Variants in ROCK2 observed in about 807,000 individuals in gnomAD.
ROCK2 encodes rho-associated protein kinase 2.
A neutral mutation model predicts 195.1 loss-of-function variants in ROCK2; 61 were observed. That is an observed-to-expected ratio of 0.31 (90% CI 0.25 to 0.39). ROCK2 has a LOEUF of 0.39. Among genes scored for constraint, ROCK2 ranks in the 10% least tolerant of loss-of-function variants. The probability of loss-of-function intolerance (pLI) is 1.00; values close to 1 mark genes in which losing one functional copy is unlikely to be tolerated. For synonymous variants in ROCK2, 504 were observed against 545.5 expected (o/e 0.92, Z 1.06); for missense variants, 1,109 against 1,637.4 (o/e 0.68, Z 5.57).
chr2:11,326,259 T>C (rs1029533497), intron 1 of ROCK2, among the ~76,000 whole-genome samples: 1 of 151,530 alleles, frequency 6.6e-6, no homozygotes, highest in Non-Finnish European at 1.5e-5. Flanking sequence ...ACATTTCCAT[T>C]TGGCAGAAGA....
In ROCK2 at chr2:11,201,352, C is replaced by G. The variant is rs1030991062; in HGVS notation, c.2681G>C (p.Gly894Ala). ...KEECEEKTKLGKELQQKKQEL... is the reference protein window; with the variant it reads ...KEECEEKTKLAKELQQKKQEL... ...CTGTTTCTTCTGCTGCAATTCTTTA[C>G]CAAGTTTGGTCTTTTCTTCACATTC... is the stretch of plus-strand genomic sequence containing the variant. The change falls in exon 22 of 33, where the codon GGT becomes GCT. Residue 894 changes from glycine (G) to alanine (A), a missense_variant. This residue lies in a region of ROCK2 where 542 missense variants were observed against 672.0 expected (regional missense o/e 0.81). Transcript: ENST00000315872. This position sits in a 1 kb window ranked among gnomAD's most constrained non-coding sequence, Gnocchi z 4.6. The G allele has an allele frequency of 2.5e-6, 4 of 1,613,300 alleles. No individual in the cohort carries two copies. The highest frequency in any genetic ancestry group is 2.5e-6 in the Non-Finnish European group (3 of 1,179,528).
At chr2:11,198,883 CTTTTT>C in intron 23 of ROCK2, 109 bp from the exon 24 acceptor site, 11 of 483,230 alleles carry the variant, frequency 2.3e-5, no homozygotes, top group African/African-American at 4.4e-5. Flanking sequence ...TCTTATTTTT[CTTTTT>C]TTTTTTTTTT....
intron 32 of ROCK2, among the ~76,000 whole-genome samples, chr2:11,189,713 G>A (rs1396889038): frequency 6.6e-6 from 1 of 152,118 alleles, no homozygotes; most frequent in African/African-American, 2.4e-5. Flanking sequence ...CAGGCGTGGT[G>A]GCTCATGCCT....
chr2:11,200,339 C>G (rs1002472372), intron 23 of ROCK2, among the ~76,000 whole-genome samples: 2 of 152,098 alleles, frequency 1.3e-5, no homozygotes, highest in Non-Finnish European at 2.9e-5. Context: ...CTAGAATTTA[C>G]TTTTGTGTGT....
chr2:11,246,612 A>G (rs983128625), intron 4 of ROCK2, among the ~76,000 whole-genome samples: 4 of 152,164 alleles, frequency 2.6e-5, no homozygotes, highest in African/African-American at 9.7e-5. Flanking sequence ...TTCAGAAATC[A>G]CCCTAATAAT....
At chr2:11,244,585 G>A (rs1269339764) in intron 4 of ROCK2, among the ~76,000 whole-genome samples, 1 of 151,996 alleles carries the variant, frequency 6.6e-6, no homozygotes, top group Non-Finnish European at 1.5e-5. Flanking sequence ...GGGCAACATA[G>A]TGAGACCCCA....
At chr2:11,203,289 T>C (rs1215973358) in intron 20 of ROCK2, among the ~76,000 whole-genome samples, 1 of 152,170 alleles carries the variant, frequency 6.6e-6, no homozygotes, top group East Asian at 1.9e-4. Flanking sequence ...ATTTGTATGA[T>C]ATAATTTAAA....
intron 4 of ROCK2, among the ~76,000 whole-genome samples, chr2:11,237,187 C>A (rs1169603417): frequency 2.6e-5 from 4 of 151,952 alleles, no homozygotes; most frequent in Non-Finnish European, 5.9e-5. Flanking sequence ...AAATCGATAC[C>A]CTCAAAAGGG....
rs1008636707 is a variant in ROCK2 at position 11,192,030 on chromosome 2, T to C, written c.4163+118A>G. ...GACAGTTCCAACATTTGGTATTCCATAGTTAACTAAAATACAAAGCAAAGG... is the reference window on the plus strand; with the variant it reads ...GACAGTTCCAACATTTGGTATTCCACAGTTAACTAAAATACAAAGCAAAGG... On this transcript the variant is annotated intron_variant, in intron 32 of 32. Coordinates refer to ENST00000315872, the MANE Select transcript of ROCK2 (RefSeq NM_004850.5). The surrounding 1 kb of genome is among the most constrained non-coding windows in gnomAD (Gnocchi z 5.0). 4.2e-5 allele frequency: 29 copies of C among 685,230 alleles called. 1 individual carries two copies. Among genetic ancestry groups the C allele is most frequent in the South Asian group, 2.4e-4 (12 of 50,428 alleles). The allele number at this position is 685,230 out of a possible 1,614,324, so 42.4% of individuals were successfully genotyped here.
intron 1 of ROCK2, chr2:11,308,901 C>T (rs950181371): frequency 3.7e-5 from 59 of 1,611,784 alleles, no homozygotes; most frequent in Non-Finnish European, 4.8e-5. Flanking sequence ...ACCAAGAAAC[C>T]ACTTTATCTT....
chr2:11,214,540 G>A, intron 16 of ROCK2, 77 bp from the exon 17 acceptor site: 1 of 843,588 alleles, frequency 1.2e-6, no homozygotes, highest in South Asian at 1.6e-5. Context: ...AAGTTTGCAA[G>A]CCACCTTCTA....
rs1358479370 is a variant in ROCK2 at position 11,344,608 on chromosome 2, C to A, written c.-472G>T. ...TTGCAGTCCCTCAGCCAGCTCCCGG[C>A]GCACACACTCCCGCGCGGCCGCCCG... On this transcript the variant is annotated 5_prime_UTR_variant, in exon 1 of 33. Coordinates refer to ENST00000315872, the MANE Select transcript of ROCK2 (RefSeq NM_004850.5). The surrounding 1 kb of genome is among the most constrained non-coding windows in gnomAD (Gnocchi z 5.4). 25 of 369,362 alleles carry A rather than the reference C, an allele frequency of 6.8e-5. No individual in the cohort carries two copies. The highest frequency in any genetic ancestry group is 5.3e-4 in the African/African-American group (24 of 45,082). 22.9% of individuals were successfully genotyped at this position (369,362 alleles called of 1,614,324 possible).
rs35159426 is a variant in ROCK2 at position 11,219,336 on chromosome 2, CAAAAAAAAA to C, written c.1260-319_1260-311del. ...TCAACATGGTGAAACCTTATCTCTACAAAAAAAAAAAAAAAAAAAAAAAAATTAGCCGGG... is the reference window on the plus strand; with the variant it reads ...TCAACATGGTGAAACCTTATCTCTACAAAAAAAAAAAAAAAATTAGCCGGG... On this transcript the variant is annotated intron_variant, in intron 9 of 32. Coordinates refer to ENST00000315872, the MANE Select transcript of ROCK2 (RefSeq NM_004850.5). Among the ~76,000 whole-genome samples, 10 of 67,378 alleles carry C rather than the reference CAAAAAAAAA, an allele frequency of 1.5e-4. No individual in the cohort carries two copies. The East Asian group carries it at 2.2e-3, about 15-fold the overall frequency. The allele number at this position is 67,378 out of a possible 152,430, so 44.2% of individuals were successfully genotyped here.
At chr2:11,204,623 T>C (rs1558288483) in intron 20 of ROCK2, among the ~76,000 whole-genome samples, 1 of 152,190 alleles carries the variant, frequency 6.6e-6, no homozygotes, top group African/African-American at 2.4e-5. Flanking sequence ...TTCCATGACA[T>C]TTCTTCTTTT....
chr2:11,331,053 G>GGAGGAGGAGC (rs1668751140), intron 1 of ROCK2, among the ~76,000 whole-genome samples: 1 of 148,904 alleles, frequency 6.7e-6, no homozygotes, highest in Non-Finnish European at 1.5e-5. Context: ...GGAGGAGGAG[G>GGAGGAGGAGC]AGGAGAAGAA....
At chr2:11,328,508 A>G (rs1203630266) in intron 1 of ROCK2, among the ~76,000 whole-genome samples, 2 of 152,174 alleles carry the variant, frequency 1.3e-5, no homozygotes, top group African/African-American at 4.8e-5. Context: ...TAGTCCTATA[A>G]ATTACTCACA....
At chr2:11,315,516 T>C (rs1668164712) in intron 1 of ROCK2, among the ~76,000 whole-genome samples, 1 of 152,110 alleles carries the variant, frequency 6.6e-6, no homozygotes, top group Non-Finnish European at 1.5e-5. Context: ...TAAGTTTTAA[T>C]TGTTTACTCT....
At chr2:11,318,771 A>G (rs1021788042) in intron 1 of ROCK2, among the ~76,000 whole-genome samples, 3 of 152,076 alleles carry the variant, frequency 2.0e-5, no homozygotes, top group Admixed American at 6.6e-5. Context: ...ATCTTGAATT[A>G]ATTTTTGTAT....
chr2:11,275,801 C>T (rs1666805421), intron 3 of ROCK2, among the ~76,000 whole-genome samples: 1 of 147,862 alleles, frequency 6.8e-6, no homozygotes, highest in Non-Finnish European at 1.5e-5. Flanking sequence ...CCGGATTCAA[C>T]AGATTCTCCT....
Sources: allele counts gnomAD v4.1 joint callset (sites outside exome capture counted in the v4.1 genomes callset), GRCh38; gene constraint gnomAD v4.1.1; regional missense constraint gnomAD v4.1.1; non-coding constraint Gnocchi (gnomAD v3.1); transcripts MANE v1.5; gene names NCBI Gene and HGNC (gene_info 2026-07-23, HGNC 2026-07-21).